The following CHD4 variants were observed in gnomAD, a reference collection of about 807,000 sequenced individuals.
CHD4 encodes the protein ATP-dependent chromatin remodeler CHD4.
CHD4 carries 35 observed loss-of-function variants against 235.5 expected under a neutral mutation model. The ratio of observed to expected loss-of-function variants is 0.15; its 90% CI spans 0.11 to 0.20. The LOEUF is 0.20. Among genes scored for constraint, CHD4 ranks in the 10% least tolerant of loss-of-function variants. The probability of loss-of-function intolerance (pLI) is 1.00; values close to 1 mark genes in which losing one functional copy is unlikely to be tolerated. For missense variants in CHD4, 1,329 were observed against 2,432.3 expected (o/e 0.55, Z 9.54); for synonymous variants, 900 against 850.2 (o/e 1.06, Z -1.02).
At chr12:6,595,702 T>C (rs1948478371) in intron 13 of CHD4, among the ~76,000 whole-genome samples, 1 of 150,546 alleles carries the variant, frequency 6.6e-6, no homozygotes, top group South Asian at 2.1e-4. Flanking sequence ...GCAGGAGAAT[T>C]GCTTGAACCC....
chr12:6,586,419 C>A (rs73264831), intron 25 of CHD4, among the ~76,000 whole-genome samples: 33,509 of 149,814 alleles, frequency 0.22, 5,142 homozygotes, highest in African/African-American at 0.45. Flanking sequence ...TAAATAAATA[C>A]ATACATACAT....
intron 22 of CHD4, among the ~76,000 whole-genome samples, chr12:6,590,655 C>T (rs952941780): frequency 2.0e-5 from 3 of 151,914 alleles, no homozygotes; most frequent in Non-Finnish European, 4.4e-5. Context: ...CCCATCTCTA[C>T]AAAAAAATTT....
rs372697718 is a variant in CHD4, at chr12:6,593,357, G to A, written c.2514+59C>T. 4.3e-5 allele frequency: 69 copies of A among 1,602,516 alleles called. No homozygotes were observed. In the African/African-American group the frequency reaches 7.1e-4, roughly 16 times the overall value. The stretch of plus-strand genomic sequence containing the variant: ...TCACCAGGGACCAGATCACAAGGAG[G>A]TAAACTAAGCCAGAAGCCACAACTC... On this transcript the variant is annotated intron_variant, in intron 16 of 39. Coordinates refer to ENST00000544040, the MANE Select transcript of CHD4 (RefSeq NM_001273.5). The surrounding 1 kb of genome is among the most constrained non-coding windows in gnomAD (Gnocchi z 4.9).
chr12:6,573,909 A>G (rs937122276), intron 37 of CHD4, among the ~76,000 whole-genome samples: 2 of 139,934 alleles, frequency 1.4e-5, no homozygotes, highest in African/African-American at 6.2e-5. Flanking sequence ...CTGTAACTGC[A>G]GCTACTCAAG....
rs61753201 is a variant in CHD4, at chr12:6,601,957, C to T, written c.438+3G>A. On this transcript the variant is annotated splice_donor_region_variant and intron_variant, in intron 4 of 39. Coordinates refer to ENST00000544040, the MANE Select transcript of CHD4 (RefSeq NM_001273.5). ...ACAAAGAAGAGGATGGAGGTCCAGG[C>T]ACCTTTGAATCATCATCATCATCCT... The T allele has an allele frequency of 0.019, 31,185 of 1,607,486 alleles. 389 individuals carry two copies. The highest frequency in any genetic ancestry group is 0.022 in the Non-Finnish European group (26,371 of 1,179,868).
rs1364230323 is a variant in CHD4, at chr12:6,599,845, G to C, written c.1410C>G (p.Ser470=). 3.1e-6 allele frequency: 5 copies of C among 1,614,206 alleles called. No individual in the cohort carries two copies. The highest frequency in any genetic ancestry group is 1.1e-5 in the South Asian group (1 of 91,090). Residue 470 remains serine (S), a synonymous_variant, in exon 10 of 40, where the codon TCC becomes TCG. Transcript: ENST00000544040. ...GGGGATTCAGGCAGTGGATGTGGTA[G>C]GAAGAAGGACAGGTATCACAGCAGA... ...ELLCCDTCPS[S]YHIHCLNPPL...
intron 13 of CHD4, 92 bp downstream of exon 13, chr12:6,595,914 C>T (rs1366203819): frequency 7.1e-6 from 10 of 1,408,380 alleles, no homozygotes; most frequent in East Asian, 2.3e-5. Flanking sequence ...GTCAAGATCA[C>T]GCCACTGCAC....
chr12:6,577,204 G>A (rs919786906), intron 37 of CHD4, among the ~76,000 whole-genome samples: 1 of 152,076 alleles, frequency 6.6e-6, no homozygotes, highest in Admixed American at 6.5e-5. Context: ...GGATCACTTC[G>A]AGGTCAGGAG....
chr12:6,575,300 T>C (rs1261359948), intron 37 of CHD4, among the ~76,000 whole-genome samples: 2 of 151,792 alleles, frequency 1.3e-5, no homozygotes, highest in African/African-American at 4.8e-5. Context: ...ATACAAAAAT[T>C]AGTCAGGCAT....
intron 25 of CHD4, chr12:6,584,368 G>A (rs1175151896): frequency 6.6e-6 from 1 of 152,156 alleles, no homozygotes; most frequent in East Asian, 1.9e-4. Flanking sequence ...TAGAGGACAG[G>A]AGAGAAAAGA....
intron 37 of CHD4, among the ~76,000 whole-genome samples, chr12:6,576,633 G>C (rs76639177): frequency 0.015 from 2,219 of 152,140 alleles, 54 homozygotes; most frequent in African/African-American, 0.051. Context: ...TTTGAGGTGA[G>C]TCTCGCTCTG....
intron 2 of CHD4, among the ~76,000 whole-genome samples, chr12:6,605,253 T>C (rs938200117): frequency 6.6e-6 from 1 of 151,362 alleles, no homozygotes; most frequent in Non-Finnish European, 1.5e-5. Flanking sequence ...AGAAGAAAAC[T>C]AGAAGCAGAA....
At chr12:6,605,739 T>C (rs774415562) in intron 2 of CHD4, among the ~76,000 whole-genome samples, 20 of 152,328 alleles carry the variant, frequency 1.3e-4, no homozygotes, top group Admixed American at 2.0e-4. Flanking sequence ...CTCCAGATCC[T>C]GCTGAGGAGC....
intron 37 of CHD4, among the ~76,000 whole-genome samples, chr12:6,576,011 T>C (rs1396216091): frequency 1.3e-5 from 2 of 152,136 alleles, no homozygotes; most frequent in Admixed American, 6.6e-5. Flanking sequence ...ATAAAGCCAT[T>C]TGTGAGTTCC....
At chr12:6,583,920 T>C (rs907216204) in intron 25 of CHD4, 7 of 152,244 alleles carry the variant, frequency 4.6e-5, no homozygotes, top group African/African-American at 1.7e-4. Flanking sequence ...TTCAGACACT[T>C]GAGGACCACT....
intron 2 of CHD4, among the ~76,000 whole-genome samples, chr12:6,604,291 T>C (rs1311664208): frequency 6.6e-6 from 1 of 151,520 alleles, no homozygotes; most frequent in Admixed American, 6.6e-5. Flanking sequence ...AAAAAGAAAA[T>C]AATATCCCTC....
At chr12:6,592,185 G>A (rs1948412444) in intron 19 of CHD4, 128 bp from the exon 20 acceptor site, 2 of 1,284,704 alleles carry the variant, frequency 1.6e-6, no homozygotes, top group Non-Finnish European at 2.2e-6. Context: ...TAACGCACAA[G>A]CACTACCACC....
intron 2 of CHD4, among the ~76,000 whole-genome samples, chr12:6,605,716 G>A (rs1442064066): frequency 2.6e-5 from 4 of 152,126 alleles, no homozygotes; most frequent in African/African-American, 9.7e-5. Context: ...AATCTGCCTG[G>A]CTGCTTTAAG....
At position 6,606,440 on chromosome 12, in the gene CHD4, T is replaced by A; in HGVS notation, c.-67A>T. 1.1e-6 allele frequency: 1 copy of A among 937,416 alleles called. No homozygotes were observed. The highest frequency in any genetic ancestry group is 1.6e-6 in the Non-Finnish European group (1 of 619,328). 58.1% of individuals were successfully genotyped at this position (937,416 alleles called of 1,614,324 possible). On this transcript the variant is annotated 5_prime_UTR_variant, in exon 2 of 40. Transcript: ENST00000544040. ...GCCGGCGGCCTGAGGACCTCTACAC[T>A]GGCCCGAGTCACTGTGCGGGGGAGG... is the stretch of plus-strand genomic sequence containing the variant.
Sources: gnomAD v4.1 joint callset for allele counts (sites outside exome capture counted in the v4.1 genomes callset) on GRCh38, gnomAD v4.1.1 for gene constraint, Gnocchi (gnomAD v3.1) non-coding constraint, MANE v1.5 for transcripts, NCBI Gene and HGNC (gene_info 2026-07-23, HGNC 2026-07-21) for gene names.